The following MSRA variants were observed in gnomAD, a reference collection of about 807,000 sequenced individuals.
MSRA encodes mitochondrial peptide methionine sulfoxide reductase.
In MSRA, 54 loss-of-function variants were observed where a neutral mutation model predicts 31.3. The observed-to-expected ratio is 1.73, with a 90% CI of 1.39 to 2.17. The LOEUF (loss-of-function observed/expected upper bound fraction) is 2.17, where lower values mean the gene tolerates loss of function less well. Among genes scored for constraint, MSRA ranks in the 30% most tolerant of loss-of-function variants. The probability of loss-of-function intolerance (pLI) is 0.00; values close to 1 mark genes in which losing one functional copy is unlikely to be tolerated. For missense variants in MSRA, 507 were observed against 300.9 expected, an observed-to-expected ratio of 1.69 and a Z score of -5.07; for synonymous variants, 169 against 116.5, an observed-to-expected ratio of 1.45 and a Z score of -2.90.
chr8:10,234,847 A>G (rs1011871935), intron 2 of MSRA, among the ~76,000 whole-genome samples: 7 of 152,092 alleles, frequency 4.6e-5, no homozygotes, highest in African/African-American at 1.7e-4. Flanking sequence ...TAAAAATACT[A>G]AACAATAACA....
chr8:10,274,438 G>A (rs75715975), intron 3 of MSRA, among the ~76,000 whole-genome samples: 1,936 of 152,214 alleles, frequency 0.013, 57 homozygotes, highest in Admixed American at 0.059. Context: ...CCATTATCCT[G>A]ACACTAAGAG....
intron 3 of MSRA, among the ~76,000 whole-genome samples, chr8:10,255,775 TG>T (rs1175717018): frequency 6.8e-6 from 1 of 148,124 alleles, no homozygotes; most frequent in Non-Finnish European, 1.5e-5. Context: ...GTGGGCAGTG[TG>T]GGGGCATTGG....
chr8:10,388,291 TG>T (rs755479831), intron 5 of MSRA, among the ~76,000 whole-genome samples: 1 of 152,200 alleles, frequency 6.6e-6, no homozygotes, highest in Non-Finnish European at 1.5e-5. Flanking sequence ...CTTGAGGCTG[TG>T]CCTTCTCCCT....
chr8:10,256,727 A>T (rs1036586305), intron 3 of MSRA, among the ~76,000 whole-genome samples: 1 of 152,184 alleles, frequency 6.6e-6, no homozygotes, highest in South Asian at 2.1e-4. Context: ...GCATGTGTCC[A>T]TTCTTCCCTT....
At chr8:10,336,451 C>A (rs1352857413) in intron 5 of MSRA, among the ~76,000 whole-genome samples, 1 of 141,434 alleles carries the variant, frequency 7.1e-6, no homozygotes, top group Non-Finnish European at 1.5e-5. Context: ...TTTTTTTTTT[C>A]ATTTTCATTT....
At chr8:10,423,863 G>A (rs1332375557) in intron 5 of MSRA, among the ~76,000 whole-genome samples, 1 of 152,202 alleles carries the variant, frequency 6.6e-6, no homozygotes, top group African/African-American at 2.4e-5. Context: ...GAATCCAGAA[G>A]CAGAGAGAAT....
In MSRA at chr8:10,054,302, G is replaced by A. The variant is rs1171671247; in HGVS notation, c.-215G>A. 1.6e-5 allele frequency: 6 copies of A among 364,936 alleles called. No homozygotes were observed. The highest frequency in any genetic ancestry group is 2.4e-5 in the Non-Finnish European group (5 of 211,092). The allele number at this position is 364,936 out of a possible 1,614,324, so 22.6% of individuals were successfully genotyped here. On this transcript the variant is annotated 5_prime_UTR_variant, in exon 1 of 6. Coordinates refer to ENST00000317173, the MANE Select transcript of MSRA (RefSeq NM_012331.5). ...CGGGCCACACCCCCTGTCCAGGGAA[G>A]GAACACGCCCCCGGTGACAGCCGGT...
chr8:10,073,729 A>G (rs371288141), intron 1 of MSRA, among the ~76,000 whole-genome samples: 1 of 152,116 alleles, frequency 6.6e-6, no homozygotes, highest in East Asian at 1.9e-4. Context: ...GTTGCCTTCT[A>G]AAGGCACTTT....
At chr8:10,112,324 T>G (rs1413708948) in intron 1 of MSRA, among the ~76,000 whole-genome samples, 4 of 152,158 alleles carry the variant, frequency 2.6e-5, no homozygotes, top group Admixed American at 2.6e-4. Flanking sequence ...AACACCTACT[T>G]TTTCTTAAAA....
At chr8:10,243,336 C>T (rs1211074557) in intron 2 of MSRA, among the ~76,000 whole-genome samples, 1 of 152,172 alleles carries the variant, frequency 6.6e-6, no homozygotes, top group African/African-American at 2.4e-5. Flanking sequence ...AGTGAAGCTG[C>T]TCCACTCACC....
intron 1 of MSRA, among the ~76,000 whole-genome samples, chr8:10,181,013 A>G (rs1295774263): frequency 6.6e-6 from 1 of 152,166 alleles, no homozygotes; most frequent in African/African-American, 2.4e-5. Flanking sequence ...TCTCTATCAA[A>G]TCCACCGTTA....
chr8:10,169,097 C>T (rs1196800712), intron 1 of MSRA, among the ~76,000 whole-genome samples: 1 of 152,172 alleles, frequency 6.6e-6, no homozygotes, highest in African/African-American at 2.4e-5. Flanking sequence ...TCCAAATTCT[C>T]AAGTTGGCAC....
chr8:10,374,323 G>T (rs1805638681), intron 5 of MSRA, among the ~76,000 whole-genome samples: 1 of 152,186 alleles, frequency 6.6e-6, no homozygotes, highest in Admixed American at 6.5e-5. Context: ...GGATGGGTTG[G>T]CTGCACCAGC....
At chr8:10,302,578 G>T (rs1800906075) in intron 4 of MSRA, among the ~76,000 whole-genome samples, 1 of 152,234 alleles carries the variant, frequency 6.6e-6, no homozygotes, top group Non-Finnish European at 1.5e-5. Flanking sequence ...AGCACAGGTT[G>T]GTGGGTCCTG....
intron 5 of MSRA, among the ~76,000 whole-genome samples, chr8:10,371,127 A>G (rs1805450897): frequency 6.6e-6 from 1 of 152,178 alleles, no homozygotes. Context: ...CAGTGTCATG[A>G]TAGATGATTA....
intron 1 of MSRA, among the ~76,000 whole-genome samples, chr8:10,063,729 T>G (rs1797324501): frequency 6.6e-6 from 1 of 152,224 alleles, no homozygotes; most frequent in South Asian, 2.1e-4. Context: ...AACCAGAATT[T>G]GGGCTCTCAC....
chr8:10,338,138 T>C (rs771429730), intron 5 of MSRA, among the ~76,000 whole-genome samples: 2 of 152,072 alleles, frequency 1.3e-5, no homozygotes, highest in Non-Finnish European at 2.9e-5. Context: ...GTATGCACAC[T>C]TGTGTGAAAG....
At chr8:10,140,876 A>G (rs1486961761) in intron 1 of MSRA, among the ~76,000 whole-genome samples, 1 of 152,254 alleles carries the variant, frequency 6.6e-6, no homozygotes, top group Non-Finnish European at 1.5e-5. Flanking sequence ...GATCACAGAC[A>G]CAGACACACT....
At chr8:10,204,280 G>A (rs1319542334) in intron 1 of MSRA, among the ~76,000 whole-genome samples, 4 of 152,224 alleles carry the variant, frequency 2.6e-5, no homozygotes, top group African/African-American at 9.6e-5. Context: ...TGTAGCCTAA[G>A]TGCGTGATAT....
Sources: gnomAD v4.1 joint callset for allele counts (sites outside exome capture counted in the v4.1 genomes callset) on GRCh38, gnomAD v4.1.1 for gene constraint, MANE v1.5 for transcripts, NCBI Gene and HGNC (gene_info 2026-07-23, HGNC 2026-07-21) for gene names.